The following SLC5A8 variants were observed in gnomAD, a reference collection of about 807,000 sequenced individuals.
SLC5A8 encodes solute carrier family 5 member 8.
Under a neutral mutation model 71.9 loss-of-function variants are expected in SLC5A8, and 55 were observed. That is an observed-to-expected ratio of 0.77 (90% CI 0.62 to 0.96). The LOEUF (loss-of-function observed/expected upper bound fraction) is 0.96, where lower values mean the gene tolerates loss of function less well. Among genes scored for constraint, SLC5A8 ranks in the 40% least tolerant of loss-of-function variants. The probability of loss-of-function intolerance (pLI) is 0.00; values close to 1 mark genes in which losing one functional copy is unlikely to be tolerated. For synonymous variants in SLC5A8, 307 were observed against 276.1 expected (o/e 1.11, Z -1.11); for missense variants, 701 against 745.3 (o/e 0.94, Z 0.69).
intron 1 of SLC5A8, among the ~76,000 whole-genome samples, chr12:101,206,083 C>G (rs922001314): frequency 7.2e-5 from 11 of 152,270 alleles, no homozygotes; most frequent in Middle Eastern, 3.4e-3. Flanking sequence ...TTGTTTCCCT[C>G]TCATTTTGCA....
At chr12:101,190,961 A>G (rs1868881799) in intron 5 of SLC5A8, among the ~76,000 whole-genome samples, 1 of 152,218 alleles carries the variant, frequency 6.6e-6, no homozygotes, top group Non-Finnish European at 1.5e-5. Context: ...AGAAAGAGAA[A>G]GAGAAAAACA....
intron 12 of SLC5A8, among the ~76,000 whole-genome samples, chr12:101,163,933 T>A (rs1413127167): frequency 1.3e-5 from 2 of 152,172 alleles, no homozygotes; most frequent in African/African-American, 4.8e-5. Context: ...GGAAAAATAA[T>A]CTTGATCACA....
chr12:101,178,935 A>T (rs2051906654), intron 10 of SLC5A8, among the ~76,000 whole-genome samples: 1 of 152,200 alleles, frequency 6.6e-6, no homozygotes, highest in Non-Finnish European at 1.5e-5. Flanking sequence ...CAGAATACAT[A>T]AAGAACACTC....
At chr12:101,190,090 A>G (rs1275066279) in intron 6 of SLC5A8, among the ~76,000 whole-genome samples, 2 of 152,212 alleles carry the variant, frequency 1.3e-5, no homozygotes, top group African/African-American at 2.4e-5. Context: ...CTCTATTGCT[A>G]TATCATTTCA....
chr12:101,161,145 A>G (rs1364175258), intron 13 of SLC5A8, among the ~76,000 whole-genome samples: 1 of 152,164 alleles, frequency 6.6e-6, no homozygotes, highest in Non-Finnish European at 1.5e-5. Context: ...AACCCTAGCA[A>G]TTTCTACTCA....
At chr12:101,207,439 C>G (rs1869720869) in intron 1 of SLC5A8, among the ~76,000 whole-genome samples, 1 of 152,138 alleles carries the variant, frequency 6.6e-6, no homozygotes, top group Non-Finnish European at 1.5e-5. Context: ...GCAATGCAGC[C>G]CAGTGCCTGG....
At chr12:101,177,973 A>C (rs1023816123) in intron 10 of SLC5A8, among the ~76,000 whole-genome samples, 4 of 152,190 alleles carry the variant, frequency 2.6e-5, no homozygotes, top group Non-Finnish European at 4.4e-5. Context: ...TTTATGTAGA[A>C]TATCTCAAGG....
chr12:101,191,987 C>A (rs1195387422), intron 5 of SLC5A8, among the ~76,000 whole-genome samples: 1 of 151,946 alleles, frequency 6.6e-6, no homozygotes, highest in Admixed American at 6.6e-5. Context: ...GGTTCCATAC[C>A]CTCTCTCCTC....
intron 11 of SLC5A8, among the ~76,000 whole-genome samples, chr12:101,166,943 T>C (rs892057711): frequency 1.3e-5 from 2 of 151,930 alleles, no homozygotes; most frequent in African/African-American, 4.8e-5. Flanking sequence ...AAGGCCACTT[T>C]TAAGGAAGGC....
intron 8 of SLC5A8, 103 bp downstream of exon 8, chr12:101,184,031 C>A: frequency 8.6e-7 from 1 of 1,156,856 alleles, no homozygotes; most frequent in South Asian, 1.4e-5. Context: ...TTTGGGCCAT[C>A]TGTGTCTGTG....
intron 5 of SLC5A8, among the ~76,000 whole-genome samples, chr12:101,192,187 G>A (rs1384910572): frequency 6.6e-6 from 1 of 152,184 alleles, no homozygotes; most frequent in Non-Finnish European, 1.5e-5. Context: ...TGGCCAAGGG[G>A]TGGAACCAAG....
At chr12:101,157,495 C>T (rs2051676540) in intron 14 of SLC5A8, 94 bp from the exon 15 acceptor site, 2 of 1,414,614 alleles carry the variant, frequency 1.4e-6, no homozygotes, top group Non-Finnish European at 1.9e-6. Flanking sequence ...TTTTATTTCT[C>T]TGCATCAGCT....
At chr12:101,190,326 C>A (rs1868839164) in intron 6 of SLC5A8, 142 bp downstream of exon 6, 2 of 895,946 alleles carry the variant, frequency 2.2e-6, no homozygotes, top group Non-Finnish European at 1.7e-6. Context: ...GTTCTTGGTC[C>A]TTTTGTAACC....
chr12:101,158,592 CTCTCTCTATATA>C (rs1187384627), intron 13 of SLC5A8, among the ~76,000 whole-genome samples: 635 of 25,590 alleles, frequency 0.025, 5 homozygotes, highest in Middle Eastern at 0.053. Context: ...CTCTCTCTCT[CTCTCTCTATATA>C]TATATATATA....
intron 3 of SLC5A8, among the ~76,000 whole-genome samples, chr12:101,198,494 G>A (rs1400497553): frequency 4.0e-5 from 6 of 151,790 alleles, no homozygotes; most frequent in African/African-American, 1.4e-4. Flanking sequence ...TAACAAGAGG[G>A]TATTATATGC....
intron 3 of SLC5A8, chr12:101,199,203 CA>C (rs1869328272): frequency 1.3e-5 from 2 of 151,948 alleles, no homozygotes; most frequent in African/African-American, 4.8e-5. Context: ...TAAAAGACCT[CA>C]ACATCCAAAG....
chr12:101,173,807 G>A (rs558370710), intron 10 of SLC5A8, among the ~76,000 whole-genome samples: 4 of 152,200 alleles, frequency 2.6e-5, no homozygotes, highest in Non-Finnish European at 4.4e-5. Context: ...TGCCTTCTTG[G>A]TCTGTGGCAT....
intron 13 of SLC5A8, among the ~76,000 whole-genome samples, chr12:101,160,734 T>A (rs1189534613): frequency 6.6e-6 from 1 of 152,138 alleles, no homozygotes; most frequent in Non-Finnish European, 1.5e-5. Context: ...GAGCACTCCT[T>A]TGAGAATTAT....
intron 12 of SLC5A8, among the ~76,000 whole-genome samples, chr12:101,164,707 T>A (rs2051753395): frequency 6.6e-6 from 1 of 152,162 alleles, no homozygotes; most frequent in African/African-American, 2.4e-5. Flanking sequence ...CATGCAATTC[T>A]CCTCTAAGAA....
Sources: allele counts gnomAD v4.1 joint callset (sites outside exome capture counted in the v4.1 genomes callset), GRCh38; gene constraint gnomAD v4.1.1; transcripts MANE v1.5; gene names NCBI Gene and HGNC (gene_info 2026-07-23, HGNC 2026-07-21).